The following PCDH15 variants were observed in gnomAD, a reference collection of about 807,000 sequenced individuals.
PCDH15 encodes protocadherin related 15, also known as protocadherin-15.
In PCDH15, 129 loss-of-function variants were observed where a neutral mutation model predicts 178.5. That is an observed-to-expected ratio of 0.72 (90% CI 0.63 to 0.84). PCDH15 has a LOEUF of 0.84. PCDH15 is among the 40% of genes least tolerant of loss of function. The pLI is 0.00. For missense variants in PCDH15, 2,230 were observed against 2,099.9 expected (o/e 1.06, Z -1.21); for synonymous variants, 800 against 732.0 (o/e 1.09, Z -1.50).
chr10:53,918,252 C>A (rs1226743282), intron 25 of PCDH15, among the ~76,000 whole-genome samples: 1 of 152,056 alleles, frequency 6.6e-6, no homozygotes, highest in Admixed American at 6.6e-5. Flanking sequence ...TGCAACAAAT[C>A]CATGAAATAG....
intron 3 of PCDH15, among the ~76,000 whole-genome samples, chr10:54,440,591 T>C (rs1363176676): frequency 1.3e-5 from 2 of 151,980 alleles, no homozygotes; most frequent in Non-Finnish European, 2.9e-5. Context: ...GAACATTTAA[T>C]TTAAAATGCC....
chr10:54,817,660 C>A (rs531267194), intron 3 of PCDH15, among the ~76,000 whole-genome samples: 1 of 152,030 alleles, frequency 6.6e-6, no homozygotes, highest in East Asian at 1.9e-4. Context: ...TTAAAATAAT[C>A]TTACAAAGAA....
chr10:55,372,412 T>C (rs1236659361), intron 2 of PCDH15, among the ~76,000 whole-genome samples: 2 of 152,136 alleles, frequency 1.3e-5, no homozygotes, highest in African/African-American at 4.8e-5. Context: ...TGGAAATATA[T>C]ACAAAAACTA....
chr10:55,480,942 T>C (rs1401817070), intron 2 of PCDH15, among the ~76,000 whole-genome samples: 5 of 151,820 alleles, frequency 3.3e-5, no homozygotes, highest in African/African-American at 1.2e-4. Context: ...CCTGGTAGAA[T>C]TCAGCTGTGA....
intron 23 of PCDH15, among the ~76,000 whole-genome samples, chr10:53,956,847 TAAC>T (rs1305438373): frequency 1.3e-5 from 2 of 152,228 alleles, no homozygotes; most frequent in Admixed American, 6.5e-5. Flanking sequence ...CTCTCTAAGT[TAAC>T]AACAACTTTA....
intron 2 of PCDH15, among the ~76,000 whole-genome samples, chr10:55,066,379 A>T (rs1841565027): frequency 6.6e-6 from 1 of 150,754 alleles, no homozygotes; most frequent in Non-Finnish European, 1.5e-5. Flanking sequence ...TGAATGCAAA[A>T]GTAACATTTA....
chr10:54,796,026 A>G (rs1436212019), intron 1 of PCDH15, among the ~76,000 whole-genome samples: 1 of 151,832 alleles, frequency 6.6e-6, no homozygotes, highest in Non-Finnish European at 1.5e-5. Context: ...AAACAACTTG[A>G]TCCTTGCTGG....
chr10:54,379,977 T>A (rs2135056165), intron 3 of PCDH15, among the ~76,000 whole-genome samples: 1 of 152,184 alleles, frequency 6.6e-6, no homozygotes, highest in South Asian at 2.1e-4. Context: ...ACGAAAAAAG[T>A]ATCTGTTGCA....
chr10:54,408,884 TG>T (rs1280047815), intron 3 of PCDH15, among the ~76,000 whole-genome samples: 1 of 152,144 alleles, frequency 6.6e-6, no homozygotes, highest in African/African-American at 2.4e-5. Flanking sequence ...ATCTGGATCA[TG>T]GGAAAGGCAG....
At chr10:54,683,889 A>C (rs1333550594) in intron 1 of PCDH15, among the ~76,000 whole-genome samples, 2 of 152,128 alleles carry the variant, frequency 1.3e-5, no homozygotes, top group African/African-American at 4.8e-5. Flanking sequence ...AAAATGTTAA[A>C]ATGATAGTTT....
At chr10:55,458,489 A>C (rs1839601924) in intron 2 of PCDH15, among the ~76,000 whole-genome samples, 1 of 152,072 alleles carries the variant, frequency 6.6e-6, no homozygotes, top group African/African-American at 2.4e-5. Context: ...GTCTGTTTTA[A>C]AGAAAAATAC....
chr10:55,564,945 GAAGAT>G (rs1000678883), intron 2 of PCDH15, among the ~76,000 whole-genome samples: 4 of 151,624 alleles, frequency 2.6e-5, no homozygotes, highest in African/African-American at 9.6e-5. Flanking sequence ...AAACCAATCA[GAAGAT>G]AAGTAAAGAA....
chr10:54,512,645 C>T (rs1212040771), intron 3 of PCDH15, among the ~76,000 whole-genome samples: 1 of 151,460 alleles, frequency 6.6e-6, no homozygotes, highest in Non-Finnish European at 1.5e-5. Context: ...TTTGTTAAAT[C>T]ATTTGCAGTT....
At chr10:55,052,479 A>C (rs1248389741) in intron 2 of PCDH15, among the ~76,000 whole-genome samples, 1 of 143,222 alleles carries the variant, frequency 7.0e-6, no homozygotes. Context: ...GGAGGCATAT[A>C]CCTTGACCTC....
At chr10:54,547,672 G>T (rs1427033617) in intron 2 of PCDH15, among the ~76,000 whole-genome samples, 2 of 152,020 alleles carry the variant, frequency 1.3e-5, no homozygotes, top group South Asian at 2.1e-4. Flanking sequence ...CTATTTACCT[G>T]TTCTTTATTG....
intron 21 of PCDH15, among the ~76,000 whole-genome samples, chr10:53,975,508 TG>T (rs2090113297): frequency 1.3e-5 from 2 of 152,208 alleles, no homozygotes; most frequent in South Asian, 4.1e-4. Flanking sequence ...ACTGTGGTTT[TG>T]ATTTGTGTTT....
intron 18 of PCDH15, among the ~76,000 whole-genome samples, chr10:54,062,260 C>CTA (rs1454752029): frequency 1.3e-5 from 1 of 74,402 alleles, no homozygotes; most frequent in Non-Finnish European, 2.6e-5. Context: ...AAACAAAAAA[C>CTA]AACTAAATGA....
intron 2 of PCDH15, among the ~76,000 whole-genome samples, chr10:55,524,616 T>C (rs570691659): frequency 1.3e-5 from 2 of 151,764 alleles, no homozygotes; most frequent in Admixed American, 1.3e-4. Flanking sequence ...TGGTGGGTAA[T>C]TTCATACTGC....
intron 2 of PCDH15, among the ~76,000 whole-genome samples, chr10:54,569,926 C>T (rs2089562737): frequency 2.0e-5 from 3 of 152,040 alleles, no homozygotes; most frequent in Admixed American, 6.6e-5. Flanking sequence ...TCTAACAACT[C>T]AGGGTTTTTA....
Sources: allele counts gnomAD v4.1 joint callset (sites outside exome capture counted in the v4.1 genomes callset), GRCh38; gene constraint gnomAD v4.1.1; transcripts MANE v1.5; gene names NCBI Gene and HGNC (gene_info 2026-07-23, HGNC 2026-07-21).